The following CPD variants were observed in gnomAD, a reference collection of about 807,000 sequenced individuals.
CPD encodes metallocarboxypeptidase D.
A neutral mutation model predicts 138.3 loss-of-function variants in CPD; 69 were observed. That is an observed-to-expected ratio of 0.50 (90% confidence interval 0.41 to 0.61). CPD has a LOEUF of 0.61. Among genes scored for constraint, CPD ranks in the 20% least tolerant of loss-of-function variants. CPD has a pLI of 0.00. For synonymous variants in CPD, 651 were observed against 642.1 expected, an observed-to-expected ratio of 1.01 and a Z score of -0.21; for missense variants, 1,432 against 1,733.3, an observed-to-expected ratio of 0.83 and a Z score of 3.09.
rs117723754 is a variant in CPD at position 30,385,019 on chromosome 17, C to T, written c.777C>T (p.Gly259=). Residue 259 remains glycine (G), a synonymous_variant, in exon 2 of 21, where the codon GGC becomes GGT. Coordinates refer to ENST00000225719, the MANE Select transcript of CPD (RefSeq NM_001304.5). ...TGCTTTCTGGAAATCTGCATGGTGGCTCAGTGGTAGCAAGCTATCCTTTTG... is the reference window on the plus strand; with the variant it reads ...TGCTTTCTGGAAATCTGCATGGTGGTTCAGTGGTAGCAAGCTATCCTTTTG... The part of the protein sequence containing the change: ...KFVLSGNLHG[G]SVVASYPFDD... 7,672 of 1,613,894 alleles carry T rather than the reference C, an allele frequency of 4.8e-3. 259 individuals are homozygous for T. The South Asian group carries it at 0.055, about 12-fold the overall frequency.
At chr17:30,453,869 G>A (rs1174622528) in intron 14 of CPD, among the ~76,000 whole-genome samples, 1 of 152,156 alleles carries the variant, frequency 6.6e-6, no homozygotes, top group Non-Finnish European at 1.5e-5. Context: ...GCCAGGTCTC[G>A]GGGCTTCCAC....
chr17:30,381,289 T>C (rs2143292488), intron 1 of CPD, among the ~76,000 whole-genome samples: 1 of 152,332 alleles, frequency 6.6e-6, no homozygotes, highest in South Asian at 2.1e-4. Context: ...TTTGCATTGC[T>C]TAAATGTTTA....
At chr17:30,437,230 T>G (rs1912727135) in intron 8 of CPD, among the ~76,000 whole-genome samples, 4 of 152,114 alleles carry the variant, frequency 2.6e-5, no homozygotes, top group Admixed American at 1.3e-4. Context: ...GTTATACAAC[T>G]CTATGAATAC....
chr17:30,461,014 A>G (rs1913457441), intron 17 of CPD, among the ~76,000 whole-genome samples, 166 bp from the exon 18 acceptor site: 1 of 152,236 alleles, frequency 6.6e-6, no homozygotes, highest in African/African-American at 2.4e-5. Context: ...GTGATTGATT[A>G]TAATACAGAG....
At chr17:30,398,934 G>C (rs937261163) in intron 2 of CPD, among the ~76,000 whole-genome samples, 2 of 151,316 alleles carry the variant, frequency 1.3e-5, no homozygotes, top group Non-Finnish European at 2.9e-5. Flanking sequence ...CTAATGCTAG[G>C]ATAGTTTATC....
chr17:30,394,901 A>ATGTGTGTGTGTGTGTG (rs113868957), intron 2 of CPD, among the ~76,000 whole-genome samples: 12 of 148,334 alleles, frequency 8.1e-5, no homozygotes, highest in African/African-American at 2.5e-4. Context: ...GCATGTGTGT[A>ATGTGTGTGTGTGTGTG]TGTGTGTGTG....
chr17:30,384,134 C>T (rs1359223661), intron 1 of CPD, among the ~76,000 whole-genome samples: 1 of 152,152 alleles, frequency 6.6e-6, no homozygotes, highest in African/African-American at 2.4e-5. Context: ...GAAAGAGCTG[C>T]TTCTACAGTG....
chr17:30,449,765 G>T lies in CPD; in HGVS notation c.3069+17G>T. On this transcript the variant is annotated intron_variant, in intron 13 of 20. Transcript: ENST00000225719. ...GTTACCCAAGTAAGAGAATAGCCGA[G>T]GTTGACATGCTTTAAAAGGAAAAAG... 2 of 1,532,332 alleles carry T rather than the reference G, an allele frequency of 1.3e-6. No homozygotes were observed. The highest frequency in any genetic ancestry group is 4.9e-5 in the East Asian group (2 of 41,020). 94.9% of individuals were successfully genotyped at this position (1,532,332 alleles called of 1,614,324 possible).
intron 14 of CPD, chr17:30,454,904 G>C (rs2143496609): frequency 6.4e-6 from 1 of 156,244 alleles, no homozygotes; most frequent in South Asian, 1.9e-4. Context: ...GCATGGCAAA[G>C]ACCCGCCCCC....
chr17:30,391,078 C>T (rs1911343674), intron 2 of CPD, among the ~76,000 whole-genome samples: 1 of 150,798 alleles, frequency 6.6e-6, no homozygotes, highest in Admixed American at 6.6e-5. Context: ...GATCCACCTG[C>T]CTCGCCCTCC....
chr17:30,442,277 A>G, intron 9 of CPD, 31 bp from the exon 10 acceptor site: 1 of 1,605,720 alleles, frequency 6.2e-7, no homozygotes, highest in Non-Finnish European at 8.5e-7. Context: ...GAACTTCTTC[A>G]GAGTGACTAA....
intron 19 of CPD, 35 bp from the exon 20 acceptor site, chr17:30,462,335 G>C: frequency 6.4e-7 from 1 of 1,559,102 alleles, no homozygotes; most frequent in South Asian, 1.1e-5. Flanking sequence ...ACCTTAAGCA[G>C]AATTTGTCAT....
intron 4 of CPD, 105 bp from the exon 5 acceptor site, chr17:30,422,569 A>C: frequency 2.9e-6 from 2 of 689,330 alleles, no homozygotes; most frequent in Middle Eastern, 3.3e-4. Flanking sequence ...GAGTTTTGAT[A>C]GATCGCTAAG....
At chr17:30,383,796 G>C (rs575267678) in intron 1 of CPD, among the ~76,000 whole-genome samples, 1 of 151,858 alleles carries the variant, frequency 6.6e-6, no homozygotes, top group East Asian at 1.9e-4. Flanking sequence ...CTGTAGGTCA[G>C]TTAATTTCAA....
intron 8 of CPD, 71 bp from the exon 9 acceptor site, chr17:30,438,904 G>C: frequency 1.0e-6 from 1 of 962,388 alleles, no homozygotes; most frequent in South Asian, 1.7e-5. Context: ...TTATTTTCCT[G>C]TATCTTTCCA....
At chr17:30,426,741 C>A (rs369869819) in intron 6 of CPD, among the ~76,000 whole-genome samples, 28 of 152,266 alleles carry the variant, frequency 1.8e-4, no homozygotes, top group African/African-American at 5.5e-4. Context: ...AACCTTGTGA[C>A]CTTTCATTAG....
At chr17:30,464,557 T>C in intron 20 of CPD, 31 bp from the exon 21 acceptor site, 1 of 1,570,030 alleles carries the variant, frequency 6.4e-7, no homozygotes, top group Non-Finnish European at 8.8e-7. Flanking sequence ...TAAAGTATAA[T>C]ATCACCCACA....
At chr17:30,404,353 T>TA (rs1229170102) in intron 2 of CPD, among the ~76,000 whole-genome samples, 1 of 152,188 alleles carries the variant, frequency 6.6e-6, no homozygotes, top group African/African-American at 2.4e-5. Context: ...CAAAGAAGAA[T>TA]AAAATTCAAA....
At chr17:30,430,646 C>A (rs1168559142) in intron 7 of CPD, among the ~76,000 whole-genome samples, 1 of 151,970 alleles carries the variant, frequency 6.6e-6, no homozygotes, top group Non-Finnish European at 1.5e-5. Flanking sequence ...TTCCTGTTTT[C>A]TTTTCCCCGT....
Sources: gnomAD v4.1 joint callset for allele counts (sites outside exome capture counted in the v4.1 genomes callset) on GRCh38, gnomAD v4.1.1 for gene constraint, MANE v1.5 for transcripts, NCBI Gene and HGNC (gene_info 2026-07-23, HGNC 2026-07-21) for gene names.